The following SWAP70 variants were observed in gnomAD, a reference collection of about 807,000 sequenced individuals.
SWAP70 encodes switch-associated protein 70.
SWAP70 carries 34 observed loss-of-function variants against 80.2 expected under a neutral mutation model. That is an observed-to-expected ratio of 0.42 (90% CI 0.32 to 0.56). SWAP70 has a LOEUF of 0.56. SWAP70 is among the 20% of genes least tolerant of loss of function. The pLI is 0.09. For synonymous variants in SWAP70, 239 were observed against 238.5 expected (o/e 1.00, Z -0.02); for missense variants, 578 against 690.7 (o/e 0.84, Z 1.83).
At chr11:9,702,768 C>T (rs866771237) in intron 2 of SWAP70, among the ~76,000 whole-genome samples, 1 of 152,042 alleles carries the variant, frequency 6.6e-6, no homozygotes, top group Non-Finnish European at 1.5e-5. Context: ...TTGGACTCTA[C>T]ATTTTCATTA....
At chr11:9,696,242 C>G (rs543244729) in intron 2 of SWAP70, among the ~76,000 whole-genome samples, 229 of 152,036 alleles carry the variant, frequency 1.5e-3, no homozygotes, top group African/African-American at 5.3e-3. Context: ...TCGGTTTTTC[C>G]CTTGGGTTGG....
At chr11:9,698,754 C>T (rs1039779712) in intron 2 of SWAP70, among the ~76,000 whole-genome samples, 2 of 152,080 alleles carry the variant, frequency 1.3e-5, no homozygotes, top group Non-Finnish European at 2.9e-5. Context: ...TAACATTACC[C>T]TGATCGTGCT....
At chr11:9,728,019 G>C (rs1459170222) in intron 4 of SWAP70, 34 bp from the exon 5 acceptor site, 1 of 1,553,396 alleles carries the variant, frequency 6.4e-7, no homozygotes, top group East Asian at 2.3e-5. Context: ...CAAATAAAAA[G>C]ACAATAATTT....
intron 1 of SWAP70, among the ~76,000 whole-genome samples, chr11:9,666,018 G>T (rs1850302284): frequency 6.7e-6 from 1 of 148,264 alleles, no homozygotes. Context: ...ATTATAATTT[G>T]GTTTCTGCTT....
chr11:9,704,192 G>T (rs1017488099), intron 2 of SWAP70, among the ~76,000 whole-genome samples: 1 of 152,020 alleles, frequency 6.6e-6, no homozygotes, highest in Non-Finnish European at 1.5e-5. Flanking sequence ...TCTATATAGA[G>T]AGAGACCATA....
chr11:9,675,204 C>G (rs1420470262), intron 1 of SWAP70, among the ~76,000 whole-genome samples: 1 of 151,332 alleles, frequency 6.6e-6, no homozygotes, highest in Non-Finnish European at 1.5e-5. Context: ...AGGAGATGGC[C>G]TGAACTCAGG....
At chr11:9,692,382 T>C (rs941137144) in intron 1 of SWAP70, among the ~76,000 whole-genome samples, 1 of 151,874 alleles carries the variant, frequency 6.6e-6, no homozygotes, top group East Asian at 1.9e-4. Flanking sequence ...TAGTTTCTTA[T>C]ATATCCCTCC....
chr11:9,725,159 G>T (rs568898905), intron 4 of SWAP70: 18 of 333,862 alleles, frequency 5.4e-5, no homozygotes, highest in African/African-American at 3.5e-4. Context: ...TGTATATTTA[G>T]TAGAGATGGG....
chr11:9,666,277 G>A (rs1440125297), intron 1 of SWAP70, among the ~76,000 whole-genome samples: 1 of 151,696 alleles, frequency 6.6e-6, no homozygotes, highest in Non-Finnish European at 1.5e-5. Flanking sequence ...GTAGAAACGG[G>A]GTTTCACCAT....
At chr11:9,749,326 A>G (rs1306086369) in intron 11 of SWAP70, 143 bp downstream of exon 11, 4 of 274,184 alleles carry the variant, frequency 1.5e-5, no homozygotes, top group African/African-American at 2.3e-5. Context: ...GGCTCACTGC[A>G]AGCTCCGCCT....
In SWAP70 at chr11:9,728,042, A is replaced by C. The variant is rs751251759; in HGVS notation, c.643-11A>C. ...AAGACAATAATTTATATCACATTTA[A>C]TCTTTCACAGGGTTACATGATGAAA... On this transcript the variant is annotated splice_polypyrimidine_tract_variant and intron_variant, in intron 4 of 11. Coordinates refer to ENST00000318950, the MANE Select transcript of SWAP70 (RefSeq NM_015055.4). 13 of 1,580,982 alleles carry C rather than the reference A, an allele frequency of 8.2e-6. No individual in the cohort carries two copies. The highest frequency in any genetic ancestry group is 1.0e-5 in the Non-Finnish European group (12 of 1,168,484).
chr11:9,691,678 C>T (rs1042236952), intron 1 of SWAP70, among the ~76,000 whole-genome samples: 13 of 152,242 alleles, frequency 8.5e-5, no homozygotes, highest in Non-Finnish European at 1.3e-4. Context: ...TTACAAAACC[C>T]GAGTTCTAGT....
At chr11:9,746,162 T>C (rs938566242) in intron 9 of SWAP70, among the ~76,000 whole-genome samples, 1 of 152,162 alleles carries the variant, frequency 6.6e-6, no homozygotes, top group African/African-American at 2.4e-5. Context: ...AGCATCTACA[T>C]AGCCAAGCCC....
intron 1 of SWAP70, among the ~76,000 whole-genome samples, chr11:9,671,161 T>A (rs1221454131): frequency 4.8e-5 from 6 of 125,688 alleles, no homozygotes; most frequent in African/African-American, 1.8e-4. Context: ...ATATATAAAA[T>A]ATATTTATAA....
intron 7 of SWAP70, among the ~76,000 whole-genome samples, chr11:9,738,001 A>G (rs959414872): frequency 6.6e-6 from 1 of 152,248 alleles, no homozygotes; most frequent in Non-Finnish European, 1.5e-5. Flanking sequence ...AGGCTTATCA[A>G]TAGTCTTTCA....
chr11:9,724,325 A>G (rs961899814), intron 3 of SWAP70, among the ~76,000 whole-genome samples: 1 of 152,224 alleles, frequency 6.6e-6, no homozygotes, highest in South Asian at 2.1e-4. Flanking sequence ...ATGTTCTGAT[A>G]TATTGAAATA....
chr11:9,724,986 A>C, intron 4 of SWAP70, 101 bp downstream of exon 4: 2 of 887,450 alleles, frequency 2.3e-6, no homozygotes, highest in Non-Finnish European at 3.4e-6. Context: ...TTATTTTCTT[A>C]CACTGATTTC....
intron 2 of SWAP70, among the ~76,000 whole-genome samples, chr11:9,704,711 C>T (rs1337059944): frequency 2.6e-5 from 4 of 152,160 alleles, no homozygotes; most frequent in Non-Finnish European, 4.4e-5. Flanking sequence ...CTGTATTCCC[C>T]TTTATTGGAG....
chr11:9,732,541 C>T lies in SWAP70; in HGVS notation c.911C>T (p.Thr304Ile). Residue 304 changes from threonine (T) to isoleucine (I), a missense_variant, in exon 7 of 12, where the codon ACT becomes ATT. Thr to Ile is a moderately conservative substitution (Grantham distance 89). Transcript: ENST00000318950. ...KQEWIQAIHSTIHLLKLGSPP... is the reference protein window; with the variant it reads ...KQEWIQAIHSIIHLLKLGSPP... ...ACACCTTTTACAGCCATTCATTCTA[C>T]TATTCATCTGTTGAAGCTGGGCAGC... 6 of 1,605,742 alleles carry T rather than the reference C, an allele frequency of 3.7e-6. No homozygotes were observed. Among genetic ancestry groups the T allele is most frequent in the Non-Finnish European group, 5.1e-6 (6 of 1,175,338 alleles).
Sources: gnomAD v4.1 joint callset for allele counts (sites outside exome capture counted in the v4.1 genomes callset) on GRCh38, gnomAD v4.1.1 for gene constraint, MANE v1.5 for transcripts, NCBI Gene and HGNC (gene_info 2026-07-23, HGNC 2026-07-21) for gene names.